Variants in C6orf62 observed in about 807,000 individuals in gnomAD.
C6orf62 encodes chromosome 6 open reading frame 62, also known as uncharacterized protein C6orf62.
Under a neutral mutation model 26.8 loss-of-function variants are expected in C6orf62, and 16 were observed. The ratio of observed to expected loss-of-function variants is 0.60; its 90% CI spans 0.40 to 0.91. The LOEUF (loss-of-function observed/expected upper bound fraction) is 0.91. Among genes scored for constraint, C6orf62 ranks in the 40% least tolerant of loss-of-function variants. The pLI, the probability that C6orf62 is intolerant of heterozygous loss-of-function variation, is 0.00. For missense variants in C6orf62, 192 were observed against 271.4 expected, an observed-to-expected ratio of 0.71 and a Z score of 2.06; for synonymous variants, 112 against 91.5, an observed-to-expected ratio of 1.22 and a Z score of -1.28.
rs1340286041 is a variant in C6orf62, at chr6:24,705,559, A to G, written c.*578T>C. 1 of 152,666 alleles carries G rather than the reference A, an allele frequency of 6.6e-6. No individual in the cohort carries two copies. Among genetic ancestry groups the G allele is most frequent in the Non-Finnish European group, 1.5e-5 (1 of 68,058 alleles). 9.5% of individuals were successfully genotyped at this position (152,666 alleles called of 1,614,324 possible). A position where few individuals can be genotyped will look rare whatever the true frequency, so the allele number is the denominator to read the frequency against. ...GGAAACAAACATGGCCCAGTAAAATATGAGGCAAAAATGCCTACAATGAGA... is the reference window on the plus strand; with the variant it reads ...GGAAACAAACATGGCCCAGTAAAATGTGAGGCAAAAATGCCTACAATGAGA... On this transcript the variant is annotated 3_prime_UTR_variant, in exon 5 of 5. Coordinates refer to ENST00000378119, the MANE Select transcript of C6orf62 (RefSeq NM_030939.5).
chr6:24,707,321 A>G (rs570495262), intron 4 of C6orf62, among the ~76,000 whole-genome samples: 3 of 151,604 alleles, frequency 2.0e-5, no homozygotes, highest in African/African-American at 7.3e-5. Flanking sequence ...CAATACTTGG[A>G]TTGCTGCTTA....
chr6:24,716,134 A>C lies in C6orf62; in HGVS notation c.306+14T>G, dbSNP rs1162998671. Reference sequence around the variant, plus strand: ...CAGAAACTTTATCAAGTCAAGACTTAAGGCAGAACTTACCCTTCTCATAGA... The same window carrying C: ...CAGAAACTTTATCAAGTCAAGACTTCAGGCAGAACTTACCCTTCTCATAGA... On this transcript the variant is annotated intron_variant, in intron 2 of 4. Transcript: ENST00000378119. 6.2e-7 allele frequency: 1 copy of C among 1,608,320 alleles called. No individual in the cohort carries two copies. The highest frequency in any genetic ancestry group is 2.2e-5 in the East Asian group (1 of 44,818).
At chr6:24,717,245 ATAGAT>A (rs1779253430) in intron 1 of C6orf62, among the ~76,000 whole-genome samples, 1 of 152,230 alleles carries the variant, frequency 6.6e-6, no homozygotes, top group African/African-American at 2.4e-5. Flanking sequence ...GGGGCAATAT[ATAGAT>A]TAAATACAAA....
chr6:24,709,422 AAAAAT>A, intron 3 of C6orf62: 3 of 984,896 alleles, frequency 3.0e-6, no homozygotes, highest in South Asian at 4.7e-5. Context: ...AAGAAAAAAA[AAAAAT>A]AAATCTGTTT....
At chr6:24,709,937 T>A (rs1313072943) in intron 3 of C6orf62, 1 of 985,310 alleles carries the variant, frequency 1.0e-6, no homozygotes, top group Non-Finnish European at 1.2e-6. Context: ...TAGGAAATAA[T>A]AACATTGAAA....
chr6:24,708,602 TGCTGG>T (rs1485941004), intron 4 of C6orf62, among the ~76,000 whole-genome samples, 170 bp downstream of exon 4: 1 of 152,204 alleles, frequency 6.6e-6, no homozygotes, highest in Non-Finnish European at 1.5e-5. Context: ...CTTTCCAAAG[TGCTGG>T]GATTACAGGC....
chr6:24,706,269 G>C lies in C6orf62; in HGVS notation c.565-7C>G, dbSNP rs555999137. On this transcript the variant is annotated splice_region_variant and splice_polypyrimidine_tract_variant and intron_variant, in intron 4 of 4. Coordinates refer to ENST00000378119, the MANE Select transcript of C6orf62 (RefSeq NM_030939.5). ...TAGCTTTGTTTTTTGGAGTCTGGAA[G>C]GGGAAAACATTTTAATATTTTTTAA... is the stretch of plus-strand genomic sequence containing the variant. 1.9e-6 allele frequency: 3 copies of C among 1,613,674 alleles called. No homozygotes were observed. The African/African-American group carries it at 4.0e-5, about 22-fold the overall frequency.
chr6:24,720,262 C>G, upstream of C6orf62: 1 of 1,290,660 alleles, frequency 7.7e-7, no homozygotes, highest in African/African-American at 1.5e-5. Context: ...AGCCTGCGGG[C>G]GGAGCGGTGG....
At chr6:24,710,660 A>C (rs1779104115) in intron 3 of C6orf62, 8 of 978,038 alleles carry the variant, frequency 8.2e-6, no homozygotes, top group Non-Finnish European at 8.5e-6. Context: ...GCGCCTTTAA[A>C]GATTAAGAGG....
At chr6:24,717,879 A>G (rs1410640203) in intron 1 of C6orf62, among the ~76,000 whole-genome samples, 1 of 152,164 alleles carries the variant, frequency 6.6e-6, no homozygotes, top group Non-Finnish European at 1.5e-5. Flanking sequence ...ACTACTCACA[A>G]CTTACTGTTT....
In C6orf62 at chr6:24,713,899, T is replaced by C. The variant is rs111269544; in HGVS notation, c.429+419A>G. ...CTACTAAATTTACTTCTTTCTTCTA[T>C]AATTTTATATACAGATCAACTTCTA... On this transcript the variant is annotated intron_variant, in intron 3 of 4. Coordinates refer to ENST00000378119, the MANE Select transcript of C6orf62 (RefSeq NM_030939.5). Among the ~76,000 whole-genome samples, 1,074 of 152,338 alleles carry C rather than the reference T, an allele frequency of 7.1e-3. 10 individuals are homozygous for C. The highest frequency in any genetic ancestry group is 0.024 in the African/African-American group (997 of 41,574).
intron 4 of C6orf62, among the ~76,000 whole-genome samples, chr6:24,707,846 CAA>C (rs577537825): frequency 6.4e-5 from 8 of 124,654 alleles, no homozygotes; most frequent in Admixed American, 8.2e-5. Flanking sequence ...TACTAAAATA[CAA>C]AAAAAAAAAA....
chr6:24,720,012 A>AGGGGGCCC, upstream of C6orf62: 1 of 1,463,298 alleles, frequency 6.8e-7, no homozygotes, highest in Non-Finnish European at 9.1e-7. Context: ...TTCTAAAGTA[A>AGGGGGCCC]GCCCACCCAC....
At chr6:24,720,010 T>G (rs1779322276), upstream of C6orf62, 1 of 1,515,808 alleles carries the variant, frequency 6.6e-7, no homozygotes, top group African/African-American at 1.4e-5. Flanking sequence ...ACTTCTAAAG[T>G]AAGCCCACCC....
chr6:24,712,701 A>C (rs1779145591), intron 3 of C6orf62, among the ~76,000 whole-genome samples: 1 of 151,888 alleles, frequency 6.6e-6, no homozygotes, highest in Non-Finnish European at 1.5e-5. Flanking sequence ...AAAAAAAAAA[A>C]AAAAAAAAAG....
chr6:24,714,442 T>A lies in C6orf62; in HGVS notation c.307-2A>T. 6.5e-7 allele frequency: 1 copy of A among 1,545,256 alleles called. No individual in the cohort carries two copies. Among genetic ancestry groups the A allele is most frequent in the Non-Finnish European group, 8.7e-7 (1 of 1,150,470 alleles). ...CTCCTGAGTACAGCCAATTACATCC[T>A]ATAAAATGATTAAAAAAAAAAAAGT... On this transcript the variant is annotated splice_acceptor_variant, in intron 2 of 4. Transcript: ENST00000378119. LOFTEE classifies it high-confidence loss of function.
At chr6:24,717,477 T>TAC (rs766292672) in intron 1 of C6orf62, among the ~76,000 whole-genome samples, 4 of 152,216 alleles carry the variant, frequency 2.6e-5, no homozygotes, top group Admixed American at 1.3e-4. Context: ...AGAATGTTCT[T>TAC]AAATACAAAT....
At position 24,714,322 on chromosome 6, in the gene C6orf62, A is replaced by G; in HGVS notation, c.425T>C (p.Val142Ala). 6.2e-7 allele frequency: 1 copy of G among 1,604,924 alleles called. No homozygotes were observed. Among genetic ancestry groups the G allele is most frequent in the Non-Finnish European group, 8.5e-7 (1 of 1,177,132 alleles). Reference sequence around the variant, plus strand: ...TCACACTTTAGACCAAAATACCTGAACAGGCCTAAAAGGCTCATCAGATTC... The same window carrying G: ...TCACACTTTAGACCAAAATACCTGAGCAGGCCTAAAAGGCTCATCAGATTC... ...WKESDEPFRP[V>A]QAKFEFHHGD... The change falls in exon 3 of 5, where the codon GTT (valine) becomes GCT (alanine). Residue 142 changes from valine to alanine, a missense_variant. Coordinates refer to ENST00000378119, the MANE Select transcript of C6orf62 (RefSeq NM_030939.5).
At chr6:24,709,039 A>C in intron 3 of C6orf62, 128 bp from the exon 4 acceptor site, 2 of 1,463,006 alleles carry the variant, frequency 1.4e-6, no homozygotes, top group Non-Finnish European at 1.8e-6. Context: ...TTAAAAAAAC[A>C]AATTTTGGCA....
Sources: allele counts gnomAD v4.1 joint callset (sites outside exome capture counted in the v4.1 genomes callset), GRCh38; gene constraint gnomAD v4.1.1; transcripts MANE v1.5; gene names NCBI Gene and HGNC (gene_info 2026-07-23, HGNC 2026-07-21).